The following CCNA1 variants were observed in gnomAD, a reference collection of about 807,000 sequenced individuals.
CCNA1 encodes the protein cyclin-A1.
In CCNA1, 23 loss-of-function variants were observed where a neutral mutation model predicts 54.1. The ratio of observed to expected loss-of-function variants is 0.42; its 90% CI spans 0.31 to 0.60. The LOEUF is 0.60. Among genes scored for constraint, CCNA1 ranks in the 20% least tolerant of loss-of-function variants. The pLI, the probability that CCNA1 is intolerant of heterozygous loss-of-function variation, is 0.14. For missense variants in CCNA1, 450 were observed against 556.7 expected (o/e 0.81, Z 1.93); for synonymous variants, 208 against 213.9 (o/e 0.97, Z 0.24).
At chr13:36,432,816 C>G in intron 1 of CCNA1, 87 bp downstream of exon 1, 1 of 1,044,848 alleles carries the variant, frequency 9.6e-7, no homozygotes, top group Non-Finnish European at 1.5e-6. Context: ...GATAAAAAGC[C>G]TCCCTCAGGG....
chr13:36,438,319 A>G lies in CCNA1; in HGVS notation c.669+128A>G, dbSNP rs2055832894. On this transcript the variant is annotated intron_variant, in intron 4 of 8. Coordinates refer to ENST00000255465, the MANE Select transcript of CCNA1 (RefSeq NM_003914.4). Reference sequence around the variant, plus strand: ...ATGCCAGCTAAACATAAGAATATCTATGAAAAATAATAGTTGTGATGGCAA... The same window carrying G: ...ATGCCAGCTAAACATAAGAATATCTGTGAAAAATAATAGTTGTGATGGCAA... The G allele has an allele frequency of 4.9e-6, 4 of 821,962 alleles. No individual in the cohort carries two copies. The Admixed American group carries it at 7.3e-5, about 15-fold the overall frequency. 50.9% of individuals were successfully genotyped at this position (821,962 alleles called of 1,614,324 possible).
In CCNA1 at chr13:36,440,151, G is replaced by A; in HGVS notation, c.1066G>A (p.Gly356Arg). The A allele has an allele frequency of 6.2e-7, 1 of 1,614,090 alleles. No homozygotes were observed. The highest frequency in any genetic ancestry group is 2.2e-5 in the East Asian group (1 of 44,870). ...TCTCCTTCAGTACTTGAGGCGACAA[G>A]GAGTGTGCGTCAGGACTGAGAACCT... The change falls in exon 6 of 9, where the codon GGA becomes AGA. Residue 356 changes from glycine (G) to arginine (R), a missense_variant. Physicochemically the swap from Gly to Arg is moderately radical, Grantham distance 125. Around this residue, in one of 6 missense-constraint regions of CCNA1, gnomAD observed 150 missense variants for 219.7 expected, o/e 0.68. Transcript: ENST00000255465.
chr13:36,432,908 G>A, intron 1 of CCNA1, 125 bp from the exon 2 acceptor site: 2 of 1,025,884 alleles, frequency 1.9e-6, no homozygotes, highest in South Asian at 2.9e-5. Flanking sequence ...TAATTACTGG[G>A]AAGATCAGCA....
upstream of CCNA1, chr13:36,431,951 A>C (rs1347787621): frequency 6.5e-6 from 1 of 152,876 alleles, no homozygotes; most frequent in Non-Finnish European, 1.5e-5. Flanking sequence ...CGGGTCACGG[A>C]AACAGTCCCT....
chr13:36,435,521 A>G (rs1028988664), intron 2 of CCNA1, among the ~76,000 whole-genome samples: 1 of 152,116 alleles, frequency 6.6e-6, no homozygotes, highest in African/African-American at 2.4e-5. Flanking sequence ...ATTTCTTCTC[A>G]TTCAGCTTGT....
At position 36,437,781 on chromosome 13, in the gene CCNA1, C is replaced by T. The variant is rs1313389314; in HGVS notation, c.450C>T (p.Cys150=). ...TAGAGCAGGGGGACAGAGACAGCTG[C>T]TCGGTCAGAGAGGGGATGGCATTTG... The change falls in exon 3 of 9, where the codon TGC becomes TGT. Residue 150 remains cysteine (C), a synonymous_variant. Coordinates refer to ENST00000255465, the MANE Select transcript of CCNA1 (RefSeq NM_003914.4). 1 of 1,614,044 alleles carries T rather than the reference C, an allele frequency of 6.2e-7. No homozygotes were observed. The highest frequency in any genetic ancestry group is 8.5e-7 in the Non-Finnish European group (1 of 1,180,016).
intron 3 of CCNA1, 30 bp downstream of exon 3, chr13:36,437,905 A>G (rs2055826798): frequency 6.2e-7 from 1 of 1,602,760 alleles, no homozygotes; most frequent in African/African-American, 1.3e-5. Context: ...TTGATGGCTG[A>G]TGGTACCCTG....
Position 36,432,919 on chromosome 13 carries a change from A to G in CCNA1, c.109-114A>G, listed in dbSNP as rs1465847285. On this transcript the variant is annotated intron_variant, in intron 1 of 8. Coordinates refer to ENST00000255465, the MANE Select transcript of CCNA1 (RefSeq NM_003914.4). The stretch of plus-strand genomic sequence containing the variant: ...CCAATAATTACTGGGAAGATCAGCA[A>G]TTGGTGTTAGTCCCATTGCTTGGTG... 6.5e-6 allele frequency: 7 copies of G among 1,070,154 alleles called. No individual in the cohort carries two copies. The East Asian group carries it at 1.6e-4, about 25-fold the overall frequency. 66.3% of individuals were successfully genotyped at this position (1,070,154 alleles called of 1,614,324 possible).
At chr13:36,441,589 G>T (rs1365103626) in intron 7 of CCNA1, among the ~76,000 whole-genome samples, 1 of 152,106 alleles carries the variant, frequency 6.6e-6, no homozygotes, top group Non-Finnish European at 1.5e-5. Flanking sequence ...GGTCCAATTA[G>T]GATGGCCAGA....
upstream of CCNA1, chr13:36,432,340 C>T (rs929944055): frequency 1.4e-4 from 43 of 315,894 alleles, no homozygotes; most frequent in Non-Finnish European, 2.4e-4. Flanking sequence ...AATCCCTCGA[C>T]ACTTGGTCCT....
In CCNA1 at chr13:36,437,749, G is replaced by C; in HGVS notation, c.418G>C (p.Asp140His). The C allele has an allele frequency of 6.2e-7, 1 of 1,614,172 alleles. No individual in the cohort carries two copies. The highest frequency in any genetic ancestry group is 8.5e-7 in the Non-Finnish European group (1 of 1,180,024). ...CAAGCAAGGGTTTGACATCTACATG[G>C]ATGAACTAGAGCAGGGGGACAGAGA... Residue 140 changes from aspartate to histidine, a missense_variant, in exon 3 of 9, where the codon GAT becomes CAT. By Grantham distance (81) the Asp-to-His change is moderately conservative. Transcript: ENST00000255465.
intron 1 of CCNA1, 100 bp from the exon 2 acceptor site, chr13:36,432,933 C>A: frequency 8.7e-7 from 1 of 1,146,364 alleles, no homozygotes; most frequent in Non-Finnish European, 1.3e-6. Flanking sequence ...GTGTTAGTCC[C>A]ATTGCTTGGT....
At position 36,433,156 on chromosome 13, in the gene CCNA1, C is replaced by G. The variant is rs552343736; in HGVS notation, c.232C>G (p.Pro78Ala). 1 of 1,614,178 alleles carries G rather than the reference C, an allele frequency of 6.2e-7. No individual in the cohort carries two copies. Among genetic ancestry groups the G allele is most frequent in the African/African-American group, 1.3e-5 (1 of 75,054 alleles). The change falls in exon 2 of 9, where the codon CCC (proline) becomes GCC (alanine). Residue 78 changes from proline to alanine, a missense_variant. Pro to Ala is a conservative substitution (Grantham distance 27). This residue lies in a region of CCNA1 where 103 missense variants were observed against 100.9 expected (regional missense o/e 1.02). Coordinates refer to ENST00000255465, the MANE Select transcript of CCNA1 (RefSeq NM_003914.4). ...CACCAGAGCCCCGCTGGGCCAGGAT[C>G]CCCCGCAGAGGACAGTGCTAGGGCT...
At chr13:36,441,567 A>G (rs982314369) in intron 7 of CCNA1, among the ~76,000 whole-genome samples, 10 of 152,158 alleles carry the variant, frequency 6.6e-5, no homozygotes, top group African/African-American at 1.9e-4. Context: ...CTATATTAAA[A>G]ACAAAAACCT....
Position 36,433,119 on chromosome 13 carries a change from T to TCACC in CCNA1, c.195_196insCACC (p.Cys66HisfsTer60). On this transcript the variant is annotated frameshift_variant, in exon 2 of 9. Coordinates refer to ENST00000255465, the MANE Select transcript of CCNA1 (RefSeq NM_003914.4). LOFTEE classifies it high-confidence loss of function. The stretch of plus-strand genomic sequence containing the variant: ...CTACAGTGGCCCGAGGTCCCGATGC[T>TCACC]TGTCAGATACTCACCAGAGCCCCGC... The TCACC allele has an allele frequency of 1.2e-6, 2 of 1,614,190 alleles. No homozygotes were observed. Among genetic ancestry groups the TCACC allele is most frequent in the Non-Finnish European group, 1.7e-6 (2 of 1,180,032 alleles).
chr13:36,435,702 C>A (rs1431165264), intron 2 of CCNA1, among the ~76,000 whole-genome samples: 2 of 152,220 alleles, frequency 1.3e-5, no homozygotes, highest in African/African-American at 4.8e-5. Flanking sequence ...GCATTAAACA[C>A]TCTCTATTTG....
chr13:36,442,811 A>G lies in CCNA1; in HGVS notation c.*146A>G, dbSNP rs1455696310. 2 of 686,398 alleles carry G rather than the reference A, an allele frequency of 2.9e-6. No homozygotes were observed. Among genetic ancestry groups the G allele is most frequent in the Admixed American group, 2.6e-5 (1 of 38,214 alleles). 42.5% of individuals were successfully genotyped at this position (686,398 alleles called of 1,614,324 possible). A position where few individuals can be genotyped will look rare whatever the true frequency, so the allele number is the denominator to read the frequency against. On this transcript the variant is annotated 3_prime_UTR_variant, in exon 9 of 9. Transcript: ENST00000255465. The stretch of plus-strand genomic sequence containing the variant: ...TGTAAATGAATTTAGTTTCCCTTAG[A>G]CTTTAGTAGTTTGTAATATAGTCCA...
rs764084059 is a variant in CCNA1, at chr13:36,438,060, C to T, written c.545-7C>T. 2.0e-5 allele frequency: 32 copies of T among 1,611,832 alleles called. No homozygotes were observed. The highest frequency in any genetic ancestry group is 2.5e-5 in the Non-Finnish European group (29 of 1,179,324). On this transcript the variant is annotated splice_region_variant and splice_polypyrimidine_tract_variant and intron_variant, in intron 3 of 8. Coordinates refer to ENST00000255465, the MANE Select transcript of CCNA1 (RefSeq NM_003914.4). ...ATGAGTTATCTGACAGTGTTGAACT[C>T]TTGCAGTTTCCCCTATGCTGGTAGA...
In CCNA1 at chr13:36,442,680, G is replaced by A. The variant is rs779107107; in HGVS notation, c.*15G>A. On this transcript the variant is annotated 3_prime_UTR_variant, in exon 9 of 9. Transcript: ENST00000255465. ...TTCTACAATAAGTTTCTGAATGGAA[G>A]CACTTCCAGAACTTCACCTCCATAT... 82 of 1,611,016 alleles carry A rather than the reference G, an allele frequency of 5.1e-5. No individual in the cohort carries two copies. The highest frequency in any genetic ancestry group is 6.6e-5 in the Non-Finnish European group (78 of 1,177,564).
Sources: gnomAD v4.1 joint callset for allele counts (sites outside exome capture counted in the v4.1 genomes callset) on GRCh38, gnomAD v4.1.1 for gene constraint, gnomAD v4.1.1 regional missense constraint, MANE v1.5 for transcripts, NCBI Gene and HGNC (gene_info 2026-07-23, HGNC 2026-07-21) for gene names.